TMEM79: variants seen among roughly 807,000 people sequenced by gnomAD.
TMEM79 encodes mattrin.
Under a neutral mutation model 31.2 loss-of-function variants are expected in TMEM79, and 30 were observed. That is an observed-to-expected ratio of 0.96 (90% CI 0.72 to 1.30). The LOEUF is 1.30. Among genes scored for constraint, TMEM79 ranks in the 50% most tolerant of loss-of-function variants. The probability of loss-of-function intolerance (pLI) is 0.00; values close to 1 mark genes in which losing one functional copy is unlikely to be tolerated. For missense variants in TMEM79, 509 were observed against 528.2 expected, an observed-to-expected ratio of 0.96 and a Z score of 0.36; for synonymous variants, 213 against 229.5, an observed-to-expected ratio of 0.93 and a Z score of 0.65.
In TMEM79 at chr1:156,285,898, T is replaced by G. The variant is rs1046009484; in HGVS notation, c.672T>G (p.Phe224Leu). 1.2e-6 allele frequency: 2 copies of G among 1,613,994 alleles called. No individual in the cohort carries two copies. Among genetic ancestry groups the G allele is most frequent in the Admixed American group, 3.3e-5 (2 of 60,020 alleles). The change falls in exon 2 of 4, where the codon TTT becomes TTG. Residue 224 changes from phenylalanine to leucine, a missense_variant. Coordinates refer to ENST00000405535, the MANE Select transcript of TMEM79 (RefSeq NM_032323.3). ...ACGGGGCATATGCCTTCCTGCCGTT[T>G]GATGTCCCACGGCTGCCCACCATGA... ...LLYGAYAFLP[F>L]DVPRLPTMSS...
At position 156,285,797 on chromosome 1, in the gene TMEM79, AGCTGTGGAGACCGTGAGTGGCTAAGG is replaced by A. The variant is rs1282161859; in HGVS notation, c.579_604del (p.Asp194LeufsTer23). Reference sequence around the variant, plus strand: ...TGGCTGTTCCTGTGGGGGCTGCGGGAGCTGTGGAGACCGTGAGTGGCTAAGGGCTGTGGCCTCCGTGGGAGCCGCAC... The same window carrying A: ...TGGCTGTTCCTGTGGGGGCTGCGGGAGCTGTGGCCTCCGTGGGAGCCGCAC... On this transcript the variant is annotated frameshift_variant, in exon 2 of 4. Coordinates refer to ENST00000405535, the MANE Select transcript of TMEM79 (RefSeq NM_032323.3). LOFTEE classifies it high-confidence loss of function. 1 of 1,613,054 alleles carries A rather than the reference AGCTGTGGAGACCGTGAGTGGCTAAGG, an allele frequency of 6.2e-7. No homozygotes were observed. Among genetic ancestry groups the A allele is most frequent in the African/African-American group, 1.3e-5 (1 of 74,750 alleles).
upstream of TMEM79, chr1:156,282,967 G>T (rs1663041039): frequency 1.9e-6 from 1 of 531,146 alleles, no homozygotes; most frequent in Non-Finnish European, 3.3e-6. Context: ...GCGTCTTTCC[G>T]GCTTCTCCAA....
intron 3 of TMEM79, chr1:156,291,124 A>T (rs555404558): frequency 7.3e-5 from 35 of 479,160 alleles, no homozygotes; most frequent in Non-Finnish European, 1.3e-4. Context: ...AATAAAAATA[A>T]ATCGAAAAGT....
chr1:156,291,267 C>T, intron 3 of TMEM79, 118 bp from the exon 4 acceptor site: 2 of 840,022 alleles, frequency 2.4e-6, no homozygotes, highest in Non-Finnish European at 3.9e-6. Flanking sequence ...TTGGAAGTAC[C>T]AGCCATACCC....
At position 156,291,473 on chromosome 1, in the gene TMEM79, A is replaced by T. The variant is rs761799868; in HGVS notation, c.1060A>T (p.Met354Leu). ...GTTTCTGCCACTGCTGTCGATGCTGATGTGGAACCTCTACTACATGTTCGT... is the reference window on the plus strand; with the variant it reads ...GTTTCTGCCACTGCTGTCGATGCTGTTGTGGAACCTCTACTACATGTTCGT... Reference protein sequence around the residue: ...LTFLPLLSMLMWNLYYMFVVE... With the variant: ...LTFLPLLSMLLWNLYYMFVVE... The change falls in exon 4 of 4, where the codon ATG becomes TTG. Residue 354 changes from methionine (M) to leucine (L), a missense_variant. Met to Leu is a conservative substitution (Grantham distance 15, BLOSUM62 2). Transcript: ENST00000405535. The T allele has an allele frequency of 1.9e-6, 3 of 1,613,122 alleles. No homozygotes were observed. In the African/African-American group the frequency reaches 4.0e-5, roughly 22 times the overall value.
chr1:156,291,447 C>G lies in TMEM79; in HGVS notation c.1034C>G (p.Thr345Arg). ...RSFRGFGYGL[T>R]FLPLLSMLMW... ...TTCCGAGGCTTCGGCTACGGCCTGA[C>G]GTTTCTGCCACTGCTGTCGATGCTG... is the stretch of plus-strand genomic sequence containing the variant. Residue 345 changes from threonine to arginine, a missense_variant, in exon 4 of 4, where the codon ACG becomes AGG. Thr to Arg is a moderately conservative substitution (Grantham distance 71). Coordinates refer to ENST00000405535, the MANE Select transcript of TMEM79 (RefSeq NM_032323.3). The G allele has an allele frequency of 6.2e-7, 1 of 1,613,992 alleles. No individual in the cohort carries two copies. Among genetic ancestry groups the G allele is most frequent in the Middle Eastern group, 1.6e-4 (1 of 6,062 alleles).
At chr1:156,286,090 C>G (rs574364692) in intron 2 of TMEM79, 107 bp downstream of exon 2, 1 of 1,483,060 alleles carries the variant, frequency 6.7e-7, no homozygotes, top group South Asian at 1.3e-5. Flanking sequence ...CTGGGCCCCT[C>G]AGGGTCTCCC....
chr1:156,283,086 G>A (rs1221682392), upstream of TMEM79: 2 of 390,638 alleles, frequency 5.1e-6, no homozygotes, highest in African/African-American at 4.2e-5. Flanking sequence ...AGCTAGGAGC[G>A]TGACTGCTTT....
At chr1:156,286,553 G>C (rs1663169886) in intron 3 of TMEM79, 80 bp downstream of exon 3, 1 of 1,452,076 alleles carries the variant, frequency 6.9e-7, no homozygotes, top group South Asian at 1.2e-5. Context: ...GGAGAGCCAG[G>C]GTCAGGAGCT....
In TMEM79 at chr1:156,285,714, G is replaced by T. The variant is rs756243204; in HGVS notation, c.488G>T (p.Arg163Leu). ...GAGTGCCGAACCTTCATGCCCCCCC[G>T]GGTCACCCACCCCGACCCCACTGAG... ...EGECRTFMPP[R>L]VTHPDPTERK... is the part of the protein sequence containing the mutation. The change falls in exon 2 of 4, where the codon CGG becomes CTG. Residue 163 changes from arginine (R) to leucine (L), a missense_variant. Transcript: ENST00000405535. 1 of 1,613,152 alleles carries T rather than the reference G, an allele frequency of 6.2e-7. No individual in the cohort carries two copies. Among genetic ancestry groups the T allele is most frequent in the Middle Eastern group, 1.6e-4 (1 of 6,062 alleles).
intron 1 of TMEM79, 105 bp from the exon 2 acceptor site, chr1:156,285,079 C>A: frequency 9.9e-7 from 1 of 1,006,636 alleles, no homozygotes; most frequent in Non-Finnish European, 1.4e-6. Flanking sequence ...CAGAAGGGGC[C>A]AAAACCCATG....
upstream of TMEM79, chr1:156,282,986 G>A: frequency 2.0e-6 from 1 of 512,472 alleles, no homozygotes; most frequent in Non-Finnish European, 3.4e-6. Flanking sequence ...AAACCCTTGC[G>A]AAAAACTTTA....
chr1:156,287,116 T>G (rs1174159919), intron 3 of TMEM79, among the ~76,000 whole-genome samples: 1 of 150,828 alleles, frequency 6.6e-6, no homozygotes, highest in East Asian at 2.0e-4. Flanking sequence ...GAGCTAGACT[T>G]CATCTCAAAA....
Position 156,285,457 on chromosome 1 carries a change from C to G in TMEM79, c.231C>G (p.Pro77=). 6.2e-7 allele frequency: 1 copy of G among 1,614,042 alleles called. No individual in the cohort carries two copies. Among genetic ancestry groups the G allele is most frequent in the Non-Finnish European group, 8.5e-7 (1 of 1,180,002 alleles). Residue 77 remains proline, a synonymous_variant, in exon 2 of 4, where the codon CCC becomes CCG. Coordinates refer to ENST00000405535, the MANE Select transcript of TMEM79 (RefSeq NM_032323.3). ...CAGTAAGTGAGGCTGCCACCTTGCCCTGGGGGACTGGCCCTCAGCCCAGTG... is the reference window on the plus strand; with the variant it reads ...CAGTAAGTGAGGCTGCCACCTTGCCGTGGGGGACTGGCCCTCAGCCCAGTG... ...DSTVSEAATL[P]WGTGPQPSAP...
chr1:156,283,234 G>A (rs1663049968), upstream of TMEM79, among the ~76,000 whole-genome samples: 1 of 152,200 alleles, frequency 6.6e-6, no homozygotes, highest in Non-Finnish European at 1.5e-5. Flanking sequence ...AAAAGTGCAT[G>A]TGAAAGTTTC....
Position 156,285,231 on chromosome 1 carries a change from C to T in TMEM79, c.5C>T (p.Thr2Ile), listed in dbSNP as rs34671330. Residue 2 changes from threonine to isoleucine, a missense_variant, in exon 2 of 4, where the codon ACA becomes ATA. Coordinates refer to ENST00000405535, the MANE Select transcript of TMEM79 (RefSeq NM_032323.3). M[T>I]EQETLALLEV... ...TCCCAGAACTGAGGCCCCAGGATGA[C>T]AGAACAGGAGACCCTGGCCCTACTG... 974 of 1,529,374 alleles carry T rather than the reference C, an allele frequency of 6.4e-4. 4 individuals carry two copies. In the African/African-American group the frequency reaches 0.011, roughly 18 times the overall value. 94.7% of individuals were successfully genotyped at this position (1,529,374 alleles called of 1,614,324 possible). A position where few individuals can be genotyped will look rare whatever the true frequency, so the allele number is the denominator to read the frequency against.
intron 3 of TMEM79, chr1:156,290,020 C>T (rs1365499983): frequency 6.6e-6 from 1 of 152,170 alleles, no homozygotes; most frequent in Admixed American, 6.5e-5. Context: ...TTGGACCAGT[C>T]TTACTTAACC....
chr1:156,288,340 C>CTT (rs964633218), intron 3 of TMEM79, among the ~76,000 whole-genome samples: 10 of 133,152 alleles, frequency 7.5e-5, no homozygotes, highest in African/African-American at 1.7e-4. Flanking sequence ...CTTTTTTTTT[C>CTT]TTTTTTTTTT....
chr1:156,289,759 G>T (rs1036988260), intron 3 of TMEM79, among the ~76,000 whole-genome samples: 5 of 152,186 alleles, frequency 3.3e-5, no homozygotes, highest in Non-Finnish European at 5.9e-5. Flanking sequence ...GTAATAAGTG[G>T]TCCTTCATAT....
Sources: allele counts gnomAD v4.1 joint callset (sites outside exome capture counted in the v4.1 genomes callset), GRCh38; gene constraint gnomAD v4.1.1; transcripts MANE v1.5; gene names NCBI Gene and HGNC (gene_info 2026-07-23, HGNC 2026-07-21).